Variants in CABP7 observed in about 807,000 individuals in gnomAD.
CABP7 encodes the protein calcium-binding protein 7.
In CABP7, 13 loss-of-function variants were observed where a neutral mutation model predicts 23.1. The ratio of observed to expected loss-of-function variants is 0.56; its 90% CI spans 0.37 to 0.90. The LOEUF is 0.90. CABP7 is among the 40% of genes least tolerant of loss of function. The probability of loss-of-function intolerance (pLI) is 0.01; values close to 1 mark genes in which losing one functional copy is unlikely to be tolerated. For synonymous variants in CABP7, 123 were observed against 115.3 expected (o/e 1.07, Z -0.43); for missense variants, 248 against 295.6 (o/e 0.84, Z 1.18).
intron 1 of CABP7, among the ~76,000 whole-genome samples, chr22:29,725,304 C>T (rs1439506590): frequency 6.6e-6 from 1 of 152,146 alleles, no homozygotes; most frequent in Non-Finnish European, 1.5e-5. Flanking sequence ...ATGAACGTGT[C>T]CCCTAACCAG....
chr22:29,731,184 G>A lies in CABP7; in HGVS notation c.*1615G>A, dbSNP rs776559783. 4.1e-6 allele frequency: 6 copies of A among 1,458,742 alleles called. No homozygotes were observed. Among genetic ancestry groups the A allele is most frequent in the Non-Finnish European group, 5.4e-6 (6 of 1,113,316 alleles). The allele number at this position is 1,458,742 out of a possible 1,614,324, so 90.4% of individuals were successfully genotyped here. A position where few individuals can be genotyped will look rare whatever the true frequency, so the allele number is the denominator to read the frequency against. On this transcript the variant is annotated 3_prime_UTR_variant, in exon 5 of 5. Transcript: ENST00000216144. ...GGCTTGGCTTCCTATTGTGACTGATGAGAAAAGTGACCACGTGGGGGTCAG... is the reference window on the plus strand; with the variant it reads ...GGCTTGGCTTCCTATTGTGACTGATAAGAAAAGTGACCACGTGGGGGTCAG...
Position 29,729,442 on chromosome 22 carries a change from C to G in CABP7, c.521C>G (p.Thr174Ser), listed in dbSNP as rs746231507. The G allele has an allele frequency of 1.9e-6, 3 of 1,609,558 alleles. No individual in the cohort carries two copies. The highest frequency in any genetic ancestry group is 2.7e-5 in the African/African-American group (2 of 75,070). Reference protein sequence around the residue: ...TAEECPVDVETCSNQQIRQTC... With the variant: ...TAEECPVDVESCSNQQIRQTC... ...CGGTGCTCCCGGCGGGCGGCCACAGCCTGCTCCAACCAGCAGATCCGCCAG... is the reference window on the plus strand; with the variant it reads ...CGGTGCTCCCGGCGGGCGGCCACAGGCTGCTCCAACCAGCAGATCCGCCAG... Residue 174 changes from threonine (T) to serine (S), a missense_variant and splice_region_variant, in exon 5 of 5, where the codon ACC becomes AGC. Coordinates refer to ENST00000216144, the MANE Select transcript of CABP7 (RefSeq NM_182527.3).
At chr22:29,723,881 A>G (rs1206106821) in intron 1 of CABP7, among the ~76,000 whole-genome samples, 2 of 152,162 alleles carry the variant, frequency 1.3e-5, no homozygotes, top group African/African-American at 2.4e-5. Context: ...TGGAGTGCGG[A>G]TGTCCCTTGG....
intron 1 of CABP7, among the ~76,000 whole-genome samples, chr22:29,725,346 C>T (rs2067788030): frequency 6.6e-6 from 1 of 152,202 alleles, no homozygotes; most frequent in Non-Finnish European, 1.5e-5. Context: ...AGCGGCTTCA[C>T]AGCAAGCGGT....
In CABP7 at chr22:29,729,563, G is replaced by C; in HGVS notation, c.642G>C (p.Met214Ile). 6.2e-7 allele frequency: 1 copy of C among 1,610,104 alleles called. No homozygotes were observed. The highest frequency in any genetic ancestry group is 1.1e-5 in the South Asian group (1 of 91,082). The change falls in exon 5 of 5, where the codon ATG (methionine) becomes ATC (isoleucine). Residue 214 changes from methionine (M) to isoleucine (I), a missense_variant. By Grantham distance (10) the Met-to-Ile change is conservative. Transcript: ENST00000216144. The part of the protein sequence containing the change: ...IAANQVLRSG[M>I]K ...CCAACCAGGTGCTGCGCAGTGGCATGAAGTAGACGCCACCTGGATGCCCCA... is the reference window on the plus strand; with the variant it reads ...CCAACCAGGTGCTGCGCAGTGGCATCAAGTAGACGCCACCTGGATGCCCCA...
Position 29,729,527 on chromosome 22 carries a change from G to T in CABP7, c.606G>T (p.Met202Ile). The T allele has an allele frequency of 6.2e-7, 1 of 1,612,370 alleles. No homozygotes were observed. The change falls in exon 5 of 5, where the codon ATG becomes ATT. Residue 202 changes from methionine to isoleucine, a missense_variant. Physicochemically the swap from Met to Ile is conservative, Grantham distance 10. Coordinates refer to ENST00000216144, the MANE Select transcript of CABP7 (RefSeq NM_182527.3). Reference protein sequence around the residue: ...AFAIAFIISVMLIAANQVLRS... With the variant: ...AFAIAFIISVILIAANQVLRS... ...CCATCGCCTTCATCATCAGTGTCAT[G>T]CTCATTGCGGCCAACCAGGTGCTGC...
At chr22:29,728,942 G>T in intron 3 of CABP7, 113 bp from the exon 4 acceptor site, 1 of 1,370,944 alleles carries the variant, frequency 7.3e-7, no homozygotes, top group Non-Finnish European at 1.0e-6. Context: ...AATGGAGCAA[G>T]TGTTTTCCAG....
intron 1 of CABP7, among the ~76,000 whole-genome samples, chr22:29,726,088 C>G (rs2067793697): frequency 6.6e-6 from 1 of 152,152 alleles, no homozygotes; most frequent in Admixed American, 6.5e-5. Context: ...CTGGCACAGA[C>G]CTCCCCGCCC....
At chr22:29,725,795 A>T (rs1019486799) in intron 1 of CABP7, among the ~76,000 whole-genome samples, 1 of 152,188 alleles carries the variant, frequency 6.6e-6, no homozygotes, top group Admixed American at 6.5e-5. Flanking sequence ...GAGGGCCCCT[A>T]GCCTGGATGG....
chr22:29,727,768 G>A lies in CABP7; in HGVS notation c.216G>A (p.Val72=). Residue 72 remains valine, a synonymous_variant, in exon 2 of 5, where the codon GTG becomes GTA. Transcript: ENST00000216144. The surrounding 1 kb of genome is among the most constrained non-coding windows in gnomAD (Gnocchi z 4.2). ...MRSLGYMPNE[V]ELEVIIQRLD... ...CACTGGGTTACATGCCCAACGAGGT[G>A]GAGCTGGAGGTCATCATCCAGCGGC... 6.2e-7 allele frequency: 1 copy of A among 1,612,392 alleles called. No individual in the cohort carries two copies. The highest frequency in any genetic ancestry group is 2.2e-5 in the East Asian group (1 of 44,836).
intron 1 of CABP7, among the ~76,000 whole-genome samples, chr22:29,725,753 A>AAAG (rs542858918): frequency 2.3e-3 from 341 of 150,876 alleles, no homozygotes; most frequent in Non-Finnish European, 3.9e-3. Context: ...AAAGGACTGG[A>AAAG]GATGGAGCAG....
intron 1 of CABP7, among the ~76,000 whole-genome samples, chr22:29,726,514 C>T (rs1249146337): frequency 6.6e-6 from 1 of 152,258 alleles, no homozygotes; most frequent in Non-Finnish European, 1.5e-5. Context: ...CCCACGCTGA[C>T]TCTGGGCCGG....
At chr22:29,728,514 G>A in intron 2 of CABP7, 116 bp from the exon 3 acceptor site, 1 of 648,506 alleles carries the variant, frequency 1.5e-6, no homozygotes, top group Non-Finnish European at 2.8e-6. Context: ...GCGGGCACCT[G>A]CCTAAGGCCA....
intron 3 of CABP7, 107 bp downstream of exon 3, chr22:29,728,849 G>A: frequency 1.5e-5 from 15 of 1,016,948 alleles, no homozygotes; most frequent in Non-Finnish European, 1.2e-5. Context: ...ACCACTTCAG[G>A]CTTGTGTCCA....
At chr22:29,729,240 G>A in intron 4 of CABP7, 32 bp downstream of exon 4, 1 of 1,589,000 alleles carries the variant, frequency 6.3e-7, no homozygotes, top group South Asian at 1.1e-5. Flanking sequence ...CCCACGGGTG[G>A]GCCCAGTGAC....
intron 1 of CABP7, among the ~76,000 whole-genome samples, chr22:29,722,477 C>T (rs1319291193): frequency 6.6e-6 from 1 of 152,242 alleles, no homozygotes; most frequent in African/African-American, 2.4e-5. Flanking sequence ...AGGGCAGGGC[C>T]CTCCCTGGGA....
In CABP7 at chr22:29,727,392, A is replaced by C. The variant is rs1168890832; in HGVS notation, c.110-270A>C. On this transcript the variant is annotated intron_variant, in intron 1 of 4. Coordinates refer to ENST00000216144, the MANE Select transcript of CABP7 (RefSeq NM_182527.3). This position sits in a 1 kb window ranked among gnomAD's most constrained non-coding sequence, Gnocchi z 4.2. Reference sequence around the variant, plus strand: ...ACGGGGTCGTTGTGAGCACACCAGGAGAGGCTGTGAGAGCCTGGCGCAATC... The same window carrying C: ...ACGGGGTCGTTGTGAGCACACCAGGCGAGGCTGTGAGAGCCTGGCGCAATC... Among the ~76,000 whole-genome samples, 1 of 152,120 alleles carries C rather than the reference A, an allele frequency of 6.6e-6. No homozygotes were observed. The highest frequency in any genetic ancestry group is 6.5e-5 in the Admixed American group (1 of 15,270).
rs530234716 is a variant in CABP7, at chr22:29,729,628, G to A, written c.*59G>A. The A allele has an allele frequency of 2.1e-5, 34 of 1,589,714 alleles. No homozygotes were observed. In the Admixed American group the frequency reaches 3.5e-4, roughly 17 times the overall value. On this transcript the variant is annotated 3_prime_UTR_variant, in exon 5 of 5. Transcript: ENST00000216144. ...TGCCCGTGGCCCGCCCCACACCACC[G>A]CCGCCTGCAGACCTCTCCCTTGGCC...
rs921588987 is a variant in CABP7 at position 29,727,610 on chromosome 22, G to T, written c.110-52G>T. 8.7e-6 allele frequency: 14 copies of T among 1,608,440 alleles called. No individual in the cohort carries two copies. In the African/African-American group the frequency reaches 1.6e-4, roughly 18 times the overall value. On this transcript the variant is annotated intron_variant, in intron 1 of 4. Transcript: ENST00000216144. This position sits in a 1 kb window ranked among gnomAD's most constrained non-coding sequence, Gnocchi z 4.2. Reference sequence around the variant, plus strand: ...CGGTGATCCTGGGGGTCTGGAAAGGGGGTCTGTTGGGGACCGGGGTGAAGT... The same window carrying T: ...CGGTGATCCTGGGGGTCTGGAAAGGTGGTCTGTTGGGGACCGGGGTGAAGT...
Sources: allele counts gnomAD v4.1 joint callset (sites outside exome capture counted in the v4.1 genomes callset), GRCh38; gene constraint gnomAD v4.1.1; non-coding constraint Gnocchi (gnomAD v3.1); transcripts MANE v1.5; gene names NCBI Gene and HGNC (gene_info 2026-07-23, HGNC 2026-07-21).